Variants in L1CAM observed in about 807,000 individuals in gnomAD.
L1CAM encodes L1 cell adhesion molecule.
A neutral mutation model predicts 93.0 loss-of-function variants in L1CAM; 8 were observed. The observed-to-expected ratio is 0.09, with a 90% confidence interval of 0.05 to 0.16. The LOEUF is 0.16. L1CAM is among the 10% of genes least tolerant of loss of function. The pLI is 1.00. For synonymous variants in L1CAM, 453 were observed against 453.0 expected, an observed-to-expected ratio of 1.00 and a Z score of 0.00; for missense variants, 777 against 1,073.4, an observed-to-expected ratio of 0.72 and a Z score of 3.86.
intron 19 of L1CAM, 66 bp from the exon 20 acceptor site, chrX:153,865,885 G>A: frequency 2.8e-6 from 2 of 721,318 alleles, no homozygotes; most frequent in East Asian, 3.2e-5. Context: ...CCAGGCCCAA[G>A]CCCCTACACA....
In L1CAM at chrX:153,870,893, A is replaced by G. The variant is rs375862497; in HGVS notation, c.591T>C (p.Asn197=). 39 of 1,208,946 alleles carry G rather than the reference A, an allele frequency of 3.2e-5. No homozygotes were observed. The Middle Eastern group carries it at 9.1e-4, about 28-fold the overall frequency. The change falls in exon 7 of 29, where the codon AAT becomes AAC. Residue 197 remains asparagine, a synonymous_variant. Transcript: ENST00000370060. ...MGQNGNLYFA[N]VLTSDNHSDY... is the part of the protein sequence containing the mutation. ...CTGAGTGGTTGTCGGAGGTGAGCACATTGGCAAAGTAGAGGTTGCCGTTCT... is the reference window on the plus strand; with the variant it reads ...CTGAGTGGTTGTCGGAGGTGAGCACGTTGGCAAAGTAGAGGTTGCCGTTCT...
At chrX:153,879,973 A>C (rs2064835951) in intron 1 of L1CAM, among the ~76,000 whole-genome samples, 1 of 111,699 alleles carries the variant, frequency 9.0e-6, no homozygotes, top group East Asian at 2.8e-4. Flanking sequence ...TTCCTGAGTA[A>C]GTCCGGTCCC....
intron 3 of L1CAM, chrX:153,872,960 G>T (rs992116269): frequency 8.0e-5 from 36 of 449,844 alleles, no homozygotes; most frequent in Non-Finnish European, 1.4e-4. Flanking sequence ...CAAAAGCCAA[G>T]ACACAGAAAC....
At chrX:153,875,598 G>A (rs782750887) in intron 2 of L1CAM, 163 bp downstream of exon 2, 1 of 537,895 alleles carries the variant, frequency 1.9e-6, no homozygotes, top group South Asian at 2.5e-5. Context: ...CCTTCTCTCC[G>A]GGGGTACCCA....
intron 28 of L1CAM, 108 bp downstream of exon 28, chrX:153,863,260 G>T: frequency 1.1e-6 from 1 of 895,552 alleles, no homozygotes; most frequent in Non-Finnish European, 1.6e-6. Context: ...GGGCTGGGAA[G>T]TGAGAGTCCT....
Position 153,864,568 on chromosome X carries a change from C to T in L1CAM, c.3166+17G>A, listed in dbSNP as rs2148493383. 1 of 1,208,495 alleles carries T rather than the reference C, an allele frequency of 8.3e-7. No individual in the cohort carries two copies. The highest frequency in any genetic ancestry group is 1.8e-5 in the South Asian group (1 of 56,888). ...CCCCCTTCCCCACCACGCCCCAAGG[C>T]CCCCTTTCACGCTTACCTCCCAAGG... On this transcript the variant is annotated intron_variant, in intron 24 of 28. Coordinates refer to ENST00000370060, the MANE Select transcript of L1CAM (RefSeq NM_001278116.2).
In L1CAM at chrX:153,868,710, G is replaced by A; in HGVS notation, c.1397C>T (p.Thr466Ile). 8.3e-7 allele frequency: 1 copy of A among 1,211,794 alleles called. No individual in the cohort carries two copies. Among genetic ancestry groups the A allele is most frequent in the Non-Finnish European group, 1.1e-6 (1 of 895,550 alleles). The change falls in exon 13 of 29, where the codon ACA (threonine) becomes ATA (isoleucine). Residue 466 changes from threonine to isoleucine, a missense_variant. This residue lies in a region of L1CAM where 574 missense variants were observed against 781.0 expected (regional missense o/e 0.73). Transcript: ENST00000370060. ...GAAGCGTTCGTCCTGAAGCACTGTT[G>A]TCCCATCCTCGTCCAGCCTGGAGGG... Reference protein sequence around the residue: ...PSVQWLDEDGTTVLQDERFFP... With the variant: ...PSVQWLDEDGITVLQDERFFP...
intron 2 of L1CAM, among the ~76,000 whole-genome samples, chrX:153,875,425 C>G (rs1340529055): frequency 9.0e-6 from 1 of 110,597 alleles, no homozygotes; most frequent in Non-Finnish European, 1.9e-5. Flanking sequence ...GCGGAGGAGT[C>G]GGAGTGGGGC....
At chrX:153,872,739 G>A in intron 3 of L1CAM, 42 bp from the exon 4 acceptor site, 1 of 1,063,313 alleles carries the variant, frequency 9.4e-7, no homozygotes, top group Non-Finnish European at 1.3e-6. Context: ...GGTGCTGCCT[G>A]GCTGGTGTCA....
At chrX:153,869,030 G>A (rs782727582) in intron 11 of L1CAM, 78 bp from the exon 12 acceptor site, 26 of 794,500 alleles carry the variant, frequency 3.3e-5, no homozygotes, top group Admixed American at 1.6e-4. Context: ...CCCTCTGCAC[G>A]GCTTCCTCGG....
chrX:153,866,278 A>T (rs1181261938), intron 19 of L1CAM, among the ~76,000 whole-genome samples: 3 of 102,835 alleles, frequency 2.9e-5, no homozygotes, highest in Admixed American at 1.1e-4. Flanking sequence ...GCTCCACTGC[A>T]CTCCAGCCTG....
At chrX:153,880,450 G>T (rs782771120) in intron 1 of L1CAM, 3 of 236,044 alleles carry the variant, frequency 1.3e-5, no homozygotes, top group Non-Finnish European at 2.4e-5. Context: ...TGGGGACATG[G>T]TGCCTGGTGA....
intron 8 of L1CAM, 35 bp downstream of exon 8, chrX:153,870,352 GC>G (rs2064757083): frequency 8.7e-7 from 1 of 1,148,624 alleles, no homozygotes. Context: ...CCGCCACCCT[GC>G]CCTGCCCTGC....
At chrX:153,882,501 C>T (rs2064850661) in intron 1 of L1CAM, among the ~76,000 whole-genome samples, 1 of 108,833 alleles carries the variant, frequency 9.2e-6, no homozygotes. Context: ...CCCACCCAGA[C>T]AAACAGGAAT....
intron 11 of L1CAM, 175 bp from the exon 12 acceptor site, chrX:153,869,127 C>T (rs1211073176): frequency 1.5e-5 from 7 of 474,699 alleles, no homozygotes; most frequent in Admixed American, 3.1e-5. Context: ...CAGACACTGC[C>T]CTCTGCCTCA....
At position 153,862,893 on chromosome X, in the gene L1CAM, C is replaced by T; in HGVS notation, c.3544G>A (p.Asp1182Asn). ...TFGEYRSLES[D>N]NEEKAFGSSQ... ...CTGCCAAAGGCCTTCTCCTCGTTGTCACTGCAGAGGCACAGGGCAGGTGCG... is the reference window on the plus strand; with the variant it reads ...CTGCCAAAGGCCTTCTCCTCGTTGTTACTGCAGAGGCACAGGGCAGGTGCG... The change falls in exon 29 of 29, where the codon GAC (aspartate) becomes AAC (asparagine). Residue 1182 changes from aspartate (D) to asparagine (N), a missense_variant and splice_region_variant. By Grantham distance (23) the Asp-to-Asn change is conservative. Around this residue, in one of 5 missense-constraint regions of L1CAM, gnomAD observed 110 missense variants for 141.7 expected, o/e 0.78. Coordinates refer to ENST00000370060, the MANE Select transcript of L1CAM (RefSeq NM_001278116.2). 1 of 1,202,683 alleles carries T rather than the reference C, an allele frequency of 8.3e-7. No individual in the cohort carries two copies. The highest frequency in any genetic ancestry group is 1.1e-6 in the Non-Finnish European group (1 of 888,164).
intron 28 of L1CAM, 119 bp downstream of exon 28, chrX:153,863,249 G>C: frequency 2.5e-6 from 2 of 804,614 alleles, no homozygotes; most frequent in South Asian, 2.2e-5. Flanking sequence ...GCCGGGCCTG[G>C]GGGCTGGGAA....
At chrX:153,871,868 C>G (rs1239802925) in intron 5 of L1CAM, among the ~76,000 whole-genome samples, 19 of 103,548 alleles carry the variant, frequency 1.8e-4, no homozygotes, top group South Asian at 4.8e-4. Context: ...CCCGCCCCCC[C>G]CTCCCCCCGC....
chrX:153,873,311 G>A, intron 2 of L1CAM, 69 bp from the exon 3 acceptor site: 1 of 1,071,836 alleles, frequency 9.3e-7, no homozygotes, highest in African/African-American at 1.8e-5. Flanking sequence ...CCAGAGTGGG[G>A]CAGATGGCAG....
Sources: allele counts gnomAD v4.1 joint callset (sites outside exome capture counted in the v4.1 genomes callset), GRCh38; gene constraint gnomAD v4.1.1; regional missense constraint gnomAD v4.1.1; transcripts MANE v1.5; gene names NCBI Gene and HGNC (gene_info 2026-07-23, HGNC 2026-07-21).